HS6ST1: variants seen among roughly 807,000 people sequenced by gnomAD.
HS6ST1 encodes the protein heparan sulfate 6-O-sulfotransferase 1.
A neutral mutation model predicts 25.2 loss-of-function variants in HS6ST1; 3 were observed. That is an observed-to-expected ratio of 0.12 (90% CI 0.05 to 0.31). The LOEUF is 0.31. HS6ST1 is among the 10% of genes least tolerant of loss of function. The pLI, the probability that HS6ST1 is intolerant of heterozygous loss-of-function variation, is 1.00. For synonymous variants in HS6ST1, 204 were observed against 275.1 expected (o/e 0.74, Z 2.56); for missense variants, 310 against 609.6 (o/e 0.51, Z 5.18).
intron 1 of HS6ST1, among the ~76,000 whole-genome samples, chr2:128,279,411 G>A (rs147466225): frequency 2.5e-4 from 36 of 145,420 alleles, no homozygotes; most frequent in African/African-American, 5.5e-4. Context: ...ATGGTTTTCC[G>A]TGGCTCAGAG....
In HS6ST1 at chr2:128,270,440, G is replaced by A. The variant is rs569159524; in HGVS notation, c.528-1570C>T. ...AGCACCCTGCACCCACAGCCTGCCTGGTACCACCCATCCATGCTGATGGCA... is the reference window on the plus strand; with the variant it reads ...AGCACCCTGCACCCACAGCCTGCCTAGTACCACCCATCCATGCTGATGGCA... On this transcript the variant is annotated intron_variant, in intron 1 of 1. Transcript: ENST00000259241. Among the ~76,000 whole-genome samples, 8 of 152,358 alleles carry A rather than the reference G, an allele frequency of 5.3e-5. No individual in the cohort carries two copies. In the East Asian group the frequency reaches 1.5e-3, roughly 29 times the overall value.
chr2:128,295,284 G>T (rs1462951744), intron 1 of HS6ST1, among the ~76,000 whole-genome samples: 1 of 152,182 alleles, frequency 6.6e-6, no homozygotes, highest in Non-Finnish European at 1.5e-5. Flanking sequence ...TCCACTTCAG[G>T]GCAGGGGGTA....
chr2:128,286,889 G>T (rs981680806), intron 1 of HS6ST1, among the ~76,000 whole-genome samples: 1 of 152,132 alleles, frequency 6.6e-6, no homozygotes, highest in Non-Finnish European at 1.5e-5. Context: ...GGCCCCACCT[G>T]GTTGCCTGGG....
chr2:128,282,535 T>C (rs1354763305), intron 1 of HS6ST1, among the ~76,000 whole-genome samples: 1 of 152,112 alleles, frequency 6.6e-6, no homozygotes, highest in Admixed American at 6.5e-5. Context: ...TCCGCCAGCG[T>C]CCTAATGGCA....
At chr2:128,288,906 C>T (rs975553883) in intron 1 of HS6ST1, among the ~76,000 whole-genome samples, 1 of 152,098 alleles carries the variant, frequency 6.6e-6, no homozygotes, top group South Asian at 2.1e-4. Flanking sequence ...CTCCTGCTGA[C>T]CCCACAGCAA....
intron 1 of HS6ST1, among the ~76,000 whole-genome samples, chr2:128,305,704 A>G (rs1694198806): frequency 6.6e-6 from 1 of 152,144 alleles, no homozygotes; most frequent in African/African-American, 2.4e-5. Context: ...CCCCCGGGAG[A>G]CCATCTGCTC....
intron 1 of HS6ST1, among the ~76,000 whole-genome samples, chr2:128,297,640 C>T (rs530536953): frequency 6.6e-6 from 1 of 152,292 alleles, no homozygotes; most frequent in South Asian, 2.1e-4. Flanking sequence ...TCGAGACCAG[C>T]CTGACCAACA....
chr2:128,293,242 G>A (rs1286266246), intron 1 of HS6ST1, among the ~76,000 whole-genome samples: 2 of 152,278 alleles, frequency 1.3e-5, no homozygotes, highest in African/African-American at 4.8e-5. Context: ...CCAGGGGCAT[G>A]TCACACAATA....
chr2:128,267,264 G>C lies in HS6ST1; in HGVS notation c.*898C>G, dbSNP rs1397459670. Reference sequence around the variant, plus strand: ...TCCCAGTGGGTCAGAAAGGAGAACAGAGGCAGGGGAGCCCTCGGTCCCCAG... The same window carrying C: ...TCCCAGTGGGTCAGAAAGGAGAACACAGGCAGGGGAGCCCTCGGTCCCCAG... On this transcript the variant is annotated 3_prime_UTR_variant, in exon 2 of 2. Transcript: ENST00000259241. 1 of 152,130 alleles carries C rather than the reference G, an allele frequency of 6.6e-6. No homozygotes were observed. The highest frequency in any genetic ancestry group is 2.4e-5 in the African/African-American group (1 of 41,414). 9.4% of individuals were successfully genotyped at this position (152,130 alleles called of 1,614,324 possible).
At chr2:128,306,461 G>T (rs556656777) in intron 1 of HS6ST1, among the ~76,000 whole-genome samples, 3 of 152,260 alleles carry the variant, frequency 2.0e-5, no homozygotes, top group Admixed American at 6.5e-5. Flanking sequence ...TACAGATCCC[G>T]ATCTCCCACG....
intron 1 of HS6ST1, among the ~76,000 whole-genome samples, chr2:128,295,146 T>C (rs1429655515): frequency 1.3e-5 from 2 of 152,188 alleles, no homozygotes; most frequent in Non-Finnish European, 2.9e-5. Flanking sequence ...AGGGCTACTG[T>C]GAACACCGTG....
intron 1 of HS6ST1, among the ~76,000 whole-genome samples, chr2:128,286,588 G>A (rs1693865640): frequency 6.6e-6 from 1 of 152,228 alleles, no homozygotes; most frequent in Non-Finnish European, 1.5e-5. Flanking sequence ...AAGAGGAAAT[G>A]AGTTCATGGT....
At chr2:128,315,784 C>A (rs369470881) in intron 1 of HS6ST1, among the ~76,000 whole-genome samples, 1 of 152,166 alleles carries the variant, frequency 6.6e-6, no homozygotes, top group Non-Finnish European at 1.5e-5. Context: ...CTTGGCCCTG[C>A]GAGCACAAAG....
At chr2:128,283,086 T>C (rs1405816186) in intron 1 of HS6ST1, among the ~76,000 whole-genome samples, 1 of 152,118 alleles carries the variant, frequency 6.6e-6, no homozygotes, top group Non-Finnish European at 1.5e-5. Flanking sequence ...AGCACCTGGC[T>C]CCAGGCCCAC....
intron 1 of HS6ST1, among the ~76,000 whole-genome samples, chr2:128,302,906 C>A (rs183220346): frequency 8.5e-5 from 13 of 152,342 alleles, no homozygotes; most frequent in African/African-American, 3.1e-4. Flanking sequence ...GCTGCTCCAG[C>A]CTCTTCTCCC....
At chr2:128,279,055 G>T (rs929457841) in intron 1 of HS6ST1, among the ~76,000 whole-genome samples, 1 of 152,228 alleles carries the variant, frequency 6.6e-6, no homozygotes, top group Non-Finnish European at 1.5e-5. Flanking sequence ...CATGGGACAG[G>T]GTGTAGGCTG....
intron 1 of HS6ST1, among the ~76,000 whole-genome samples, chr2:128,285,375 TG>T (rs986441404): frequency 2.0e-5 from 3 of 152,144 alleles, no homozygotes; most frequent in African/African-American, 7.2e-5. Context: ...TAGCCTGCCG[TG>T]GTGGCAGGGT....
chr2:128,305,914 G>A (rs1168667468), intron 1 of HS6ST1, among the ~76,000 whole-genome samples: 1 of 152,172 alleles, frequency 6.6e-6, no homozygotes, highest in Non-Finnish European at 1.5e-5. Flanking sequence ...CCAGAGGCAG[G>A]CACTGTGGCG....
chr2:128,283,462 G>T (rs1283537042), intron 1 of HS6ST1, among the ~76,000 whole-genome samples: 1 of 152,208 alleles, frequency 6.6e-6, no homozygotes, highest in Non-Finnish European at 1.5e-5. Context: ...AGGAGTTACT[G>T]TGCAGCTATG....
Sources: allele counts gnomAD v4.1 joint callset (sites outside exome capture counted in the v4.1 genomes callset), GRCh38; gene constraint gnomAD v4.1.1; transcripts MANE v1.5; gene names NCBI Gene and HGNC (gene_info 2026-07-23, HGNC 2026-07-21).